The following FIGN variants were observed in gnomAD, a reference collection of about 807,000 sequenced individuals.
FIGN encodes fidgetin, microtubule severing factor.
Under a neutral mutation model 51.3 loss-of-function variants are expected in FIGN, and 11 were observed. That is an observed-to-expected ratio of 0.21 (90% confidence interval 0.13 to 0.35). The LOEUF (loss-of-function observed/expected upper bound fraction) is 0.35. FIGN is among the 10% of genes least tolerant of loss of function. The pLI, the probability that FIGN is intolerant of heterozygous loss-of-function variation, is 1.00. For missense variants in FIGN, 857 were observed against 943.6 expected (o/e 0.91, Z 1.20); for synonymous variants, 407 against 363.2 (o/e 1.12, Z -1.37).
intron 2 of FIGN, among the ~76,000 whole-genome samples, chr2:163,732,202 T>C (rs1225870004): frequency 6.6e-6 from 1 of 152,184 alleles, no homozygotes; most frequent in African/African-American, 2.4e-5. Context: ...ATACCTCTAT[T>C]TTTAAGCTGA....
Position 163,609,359 on chromosome 2 carries a change from T to C in FIGN, c.*193A>G. 1 of 592,608 alleles carries C rather than the reference T, an allele frequency of 1.7e-6. No homozygotes were observed. The highest frequency in any genetic ancestry group is 2.3e-5 in the South Asian group (1 of 44,092). The allele number at this position is 592,608 out of a possible 1,614,324, so 36.7% of individuals were successfully genotyped here. A position where few individuals can be genotyped will look rare whatever the true frequency, so the allele number is the denominator to read the frequency against. On this transcript the variant is annotated 3_prime_UTR_variant, in exon 3 of 3. Transcript: ENST00000333129. ...CATATGCTTTCTGTCATCTGGGGCT[T>C]TCAAATCAGAAGCTCTCATTTGATG...
At chr2:163,652,950 T>C (rs1044760979) in intron 2 of FIGN, among the ~76,000 whole-genome samples, 1 of 152,152 alleles carries the variant, frequency 6.6e-6, no homozygotes, top group African/African-American at 2.4e-5. Flanking sequence ...ATTCTTTCAC[T>C]CATTCAACAT....
intron 2 of FIGN, among the ~76,000 whole-genome samples, chr2:163,696,934 G>A (rs1480180894): frequency 1.3e-5 from 2 of 150,848 alleles, no homozygotes; most frequent in South Asian, 4.2e-4. Flanking sequence ...GTTCCCTAAA[G>A]TGCTAATATT....
intron 2 of FIGN, among the ~76,000 whole-genome samples, chr2:163,672,273 C>T (rs1428609918): frequency 6.7e-6 from 1 of 149,922 alleles, no homozygotes; most frequent in African/African-American, 2.5e-5. Context: ...AAAACTACTT[C>T]GTTGATTTTG....
At chr2:163,694,790 C>A (rs976554494) in intron 2 of FIGN, among the ~76,000 whole-genome samples, 7 of 152,160 alleles carry the variant, frequency 4.6e-5, no homozygotes, top group Admixed American at 2.6e-4. Context: ...AATTCTCTAC[C>A]TCCATCATCT....
At chr2:163,717,444 T>G (rs190050478) in intron 2 of FIGN, among the ~76,000 whole-genome samples, 1 of 152,108 alleles carries the variant, frequency 6.6e-6, no homozygotes, top group African/African-American at 2.4e-5. Flanking sequence ...CATATAAGCT[T>G]TTTCTTTTTC....
chr2:163,686,179 C>T (rs1684145398), intron 2 of FIGN, among the ~76,000 whole-genome samples: 1 of 152,084 alleles, frequency 6.6e-6, no homozygotes, highest in African/African-American at 2.4e-5. Flanking sequence ...GAATAGATTG[C>T]TACAATTAGA....
intron 2 of FIGN, among the ~76,000 whole-genome samples, chr2:163,719,140 CA>C (rs755564203): frequency 4.4e-4 from 67 of 152,216 alleles, no homozygotes; most frequent in Non-Finnish European, 8.2e-4. Context: ...GTAATATGTA[CA>C]ATGAAGAAAA....
Position 163,735,043 on chromosome 2 carries a change from G to C in FIGN, c.-116C>G, listed in dbSNP as rs1297219738. On this transcript the variant is annotated 5_prime_UTR_variant, in exon 2 of 3. Coordinates refer to ENST00000333129, the MANE Select transcript of FIGN (RefSeq NM_018086.4). ...CTATCAAATGTCACTGCCTTGAAAC[G>C]TGGGCCCTTTCGTCAGGTATTCATT... is the stretch of plus-strand genomic sequence containing the variant. The C allele has an allele frequency of 7.8e-6, 8 of 1,027,088 alleles. No homozygotes were observed. The highest frequency in any genetic ancestry group is 1.6e-5 in the African/African-American group (1 of 61,562). 63.6% of individuals were successfully genotyped at this position (1,027,088 alleles called of 1,614,324 possible).
chr2:163,685,906 T>C (rs891162753), intron 2 of FIGN, among the ~76,000 whole-genome samples: 1 of 152,086 alleles, frequency 6.6e-6, no homozygotes, highest in Non-Finnish European at 1.5e-5. Flanking sequence ...AGTGAACATA[T>C]CATGAAAACA....
intron 2 of FIGN, among the ~76,000 whole-genome samples, chr2:163,682,118 C>A (rs958964898): frequency 1.3e-5 from 2 of 152,158 alleles, no homozygotes; most frequent in African/African-American, 2.4e-5. Context: ...CTTTCTTTTC[C>A]TGTTGCAATC....
intron 2 of FIGN, among the ~76,000 whole-genome samples, chr2:163,672,427 T>A (rs1007961829): frequency 5.3e-5 from 8 of 152,116 alleles, no homozygotes; most frequent in Non-Finnish European, 7.4e-5. Context: ...GTGCCCCTAT[T>A]AAGAATCTAT....
Position 163,609,753 on chromosome 2 carries a change from C to T in FIGN, c.2079G>A (p.Val693=), listed in dbSNP as rs368903904. 92 of 1,613,980 alleles carry T rather than the reference C, an allele frequency of 5.7e-5. No individual in the cohort carries two copies. Among genetic ancestry groups the T allele is most frequent in the Middle Eastern group, 1.6e-4 (1 of 6,082 alleles). ...CCACTGCTTCCTGACACAAATGAGC[C>T]ACATCTAGTCCAGAAAAGCCTTCTG... ...QRTEGFSGLD[V]AHLCQEAVVG... The change falls in exon 3 of 3, where the codon GTG becomes GTA. Residue 693 remains valine (V), a synonymous_variant. Transcript: ENST00000333129.
intron 2 of FIGN, among the ~76,000 whole-genome samples, chr2:163,639,226 C>G (rs536569442): frequency 6.6e-6 from 1 of 152,154 alleles, no homozygotes; most frequent in South Asian, 2.1e-4. Flanking sequence ...TTTCCTATGA[C>G]TGGCCTAATT....
At chr2:163,669,276 T>C (rs1441334024) in intron 2 of FIGN, among the ~76,000 whole-genome samples, 1 of 152,078 alleles carries the variant, frequency 6.6e-6, no homozygotes, top group Non-Finnish European at 1.5e-5. Flanking sequence ...AGTGGCCCAA[T>C]TACAACTCAC....
chr2:163,705,410 G>T (rs1385252938), intron 2 of FIGN, among the ~76,000 whole-genome samples: 1 of 152,074 alleles, frequency 6.6e-6, no homozygotes, highest in Admixed American at 6.6e-5. Context: ...AGAGAATTTA[G>T]AAATCTTTGG....
At chr2:163,630,914 T>A (rs1465292990) in intron 2 of FIGN, among the ~76,000 whole-genome samples, 2 of 152,224 alleles carry the variant, frequency 1.3e-5, no homozygotes, top group Non-Finnish European at 2.9e-5. Flanking sequence ...CATACTCCTC[T>A]CAGCCCTAAA....
chr2:163,655,736 C>G (rs1683548507), intron 2 of FIGN, among the ~76,000 whole-genome samples: 1 of 151,498 alleles, frequency 6.6e-6, no homozygotes, highest in Admixed American at 6.6e-5. Context: ...ATTATAAAGT[C>G]TAATATAATG....
At chr2:163,612,337 T>C (rs1313966130) in intron 2 of FIGN, 2 of 985,246 alleles carry the variant, frequency 2.0e-6, no homozygotes, top group Admixed American at 6.2e-5. Flanking sequence ...ACCTCTCTTA[T>C]TTGGTACTGA....
Sources: gnomAD v4.1 joint callset for allele counts (sites outside exome capture counted in the v4.1 genomes callset) on GRCh38, gnomAD v4.1.1 for gene constraint, MANE v1.5 for transcripts, NCBI Gene and HGNC (gene_info 2026-07-23, HGNC 2026-07-21) for gene names.